Variants in ADAP1 observed in about 807,000 individuals in gnomAD.
The protein encoded by ADAP1 is arf-GAP with dual PH domain-containing protein 1.
A neutral mutation model predicts 54.9 loss-of-function variants in ADAP1; 31 were observed. The observed-to-expected ratio is 0.56, with a 90% confidence interval of 0.42 to 0.76. The LOEUF is 0.76. ADAP1 is among the 30% of genes least tolerant of loss of function. The pLI is 0.00. For missense variants in ADAP1, 535 were observed against 512.4 expected, an observed-to-expected ratio of 1.04 and a Z score of -0.42; for synonymous variants, 313 against 202.6, an observed-to-expected ratio of 1.55 and a Z score of -4.63.
At chr7:948,985 A>G (rs1239858874) in intron 1 of ADAP1, among the ~76,000 whole-genome samples, 5 of 152,096 alleles carry the variant, frequency 3.3e-5, no homozygotes, top group African/African-American at 4.8e-5. Context: ...GTGAGCCACC[A>G]TGCCCGGCCC....
At chr7:904,005 A>G in intron 6 of ADAP1, 121 bp downstream of exon 6, 2 of 1,349,660 alleles carry the variant, frequency 1.5e-6, no homozygotes, top group Non-Finnish European at 9.9e-7. Flanking sequence ...CCGCCTTCTC[A>G]TGCCGCCTAG....
At chr7:952,643 C>T (rs1847299285) in intron 1 of ADAP1, among the ~76,000 whole-genome samples, 2 of 152,278 alleles carry the variant, frequency 1.3e-5, no homozygotes, top group South Asian at 4.1e-4. Flanking sequence ...GGGTGTGGCT[C>T]ATGTCCCCTA....
rs758258240 is a variant in ADAP1, at chr7:946,161, G to A, written c.82+8235C>T. Reference sequence around the variant, plus strand: ...CCAGGCACACAGCGCCCCACTCCACGCCGGGACCCAGGCCCCTCTCCAACT... The same window carrying A: ...CCAGGCACACAGCGCCCCACTCCACACCGGGACCCAGGCCCCTCTCCAACT... On this transcript the variant is annotated intron_variant, in intron 1 of 10. Transcript: ENST00000265846. This position sits in a 1 kb window ranked among gnomAD's most constrained non-coding sequence, Gnocchi z 4.3. Among the ~76,000 whole-genome samples the A allele has an allele frequency of 5.9e-5, 9 of 152,152 alleles. No individual in the cohort carries two copies. The highest frequency in any genetic ancestry group is 3.9e-4 in the Admixed American group (6 of 15,282).
rs546056143 is a variant in ADAP1 at position 937,048 on chromosome 7, C to T, written c.83-1543G>A. ...GGTGCGTGAGAACCAGCAGGCTGAACCTCGGATTTGGGGGTCATGCCCGGC... is the reference window on the plus strand; with the variant it reads ...GGTGCGTGAGAACCAGCAGGCTGAATCTCGGATTTGGGGGTCATGCCCGGC... On this transcript the variant is annotated intron_variant, in intron 1 of 10. Transcript: ENST00000265846. 2.3e-3 allele frequency among the ~76,000 whole-genome samples: 351 copies of T among 151,258 alleles called. 7 individuals carry two copies. Among genetic ancestry groups the T allele is most frequent in the Middle Eastern group, 0.01 (3 of 292 alleles).
At chr7:908,360 T>TGGGGAGGGGACAGCTGGTGCCCTC (rs1451166867) in intron 4 of ADAP1, among the ~76,000 whole-genome samples, 21 of 152,200 alleles carry the variant, frequency 1.4e-4, no homozygotes, top group African/African-American at 4.3e-4. Context: ...CGCCTGGCGT[T>TGGGGAGGGGACAGCTGGTGCCCTC]GGGGAGGGGA....
intron 6 of ADAP1, among the ~76,000 whole-genome samples, chr7:903,581 C>T (rs749780219): frequency 3.1e-4 from 47 of 152,158 alleles, no homozygotes; most frequent in Non-Finnish European, 6.0e-4. Context: ...TGCAGCCTGG[C>T]CCAAAGACAA....
intron 6 of ADAP1, among the ~76,000 whole-genome samples, chr7:902,469 AAAG>A (rs1844867176): frequency 6.7e-6 from 1 of 148,670 alleles, no homozygotes; most frequent in African/African-American, 2.5e-5. Context: ...AAAAAAAAAA[AAAG>A]AAAGAAAAGA....
At chr7:929,637 C>CGGTGGTGATGGGAGGGGT (rs1410159126) in intron 2 of ADAP1, among the ~76,000 whole-genome samples, 119 of 151,170 alleles carry the variant, frequency 7.9e-4, no homozygotes, top group Admixed American at 4.4e-3. Context: ...ACGGCTGGGG[C>CGGTGGTGATGGGAGGGGT]GGTGGTGATG....
At chr7:931,870 C>A (rs1259988401) in intron 2 of ADAP1, among the ~76,000 whole-genome samples, 1 of 152,136 alleles carries the variant, frequency 6.6e-6, no homozygotes, top group Non-Finnish European at 1.5e-5. Flanking sequence ...CAGCAACGGC[C>A]ACCTCAGGCC....
At chr7:942,331 A>C (rs377425706) in intron 1 of ADAP1, among the ~76,000 whole-genome samples, 2 of 116,286 alleles carry the variant, frequency 1.7e-5, no homozygotes, top group East Asian at 6.5e-4. Context: ...AGGAAGGGAG[A>C]GAGGAGGAGG....
chr7:922,848 C>T (rs1232055154), intron 3 of ADAP1: 3 of 145,878 alleles, frequency 2.1e-5, no homozygotes, highest in Admixed American at 2.1e-4. Flanking sequence ...CAGCAACACC[C>T]CCACCCCCGC....
chr7:954,420 G>T lies in ADAP1; in HGVS notation c.58C>A (p.Arg20Ser). Residue 20 changes from arginine to serine, a missense_variant, in exon 1 of 11, where the codon CGC becomes AGC. Physicochemically the swap from Arg to Ser is moderately radical, Grantham distance 110. Coordinates refer to ENST00000265846, the MANE Select transcript of ADAP1 (RefSeq NM_006869.4). ...CCCGGGGCGCCGCAGTCCGCGCAGC[G>T]CGCGTTCCCCGGCCGCTGCAGCAGC... ...LELLQRPGNARCADCGAPDPD... is the reference protein window; with the variant it reads ...LELLQRPGNASCADCGAPDPD... 8.8e-7 allele frequency: 1 copy of T among 1,131,012 alleles called. No homozygotes were observed. The highest frequency in any genetic ancestry group is 1.1e-6 in the Non-Finnish European group (1 of 911,912). 70.1% of individuals were successfully genotyped at this position (1,131,012 alleles called of 1,614,324 possible). A position where few individuals can be genotyped will look rare whatever the true frequency, so the allele number is the denominator to read the frequency against.
At position 954,419 on chromosome 7, in the gene ADAP1, C is replaced by A. The variant is rs1295557027; in HGVS notation, c.59G>T (p.Arg20Leu). ...LELLQRPGNA[R>L]CADCGAPDPD... is the part of the protein sequence containing the mutation. ...ACCCGGGGCGCCGCAGTCCGCGCAG[C>A]GCGCGTTCCCCGGCCGCTGCAGCAG... Residue 20 changes from arginine to leucine, a missense_variant, in exon 1 of 11, where the codon CGC (arginine) becomes CTC (leucine). Arg to Leu is a moderately radical substitution (Grantham distance 102). Transcript: ENST00000265846. 1 of 1,139,602 alleles carries A rather than the reference C, an allele frequency of 8.8e-7. No homozygotes were observed. The highest frequency in any genetic ancestry group is 1.1e-6 in the Non-Finnish European group (1 of 917,178). 70.6% of individuals were successfully genotyped at this position (1,139,602 alleles called of 1,614,324 possible). A position where few individuals can be genotyped will look rare whatever the true frequency, so the allele number is the denominator to read the frequency against.
rs1254533863 is a variant in ADAP1, at chr7:920,432, C to T, written c.306-382G>A. Among the ~76,000 whole-genome samples, 1 of 151,546 alleles carries T rather than the reference C, an allele frequency of 6.6e-6. No homozygotes were observed. Among genetic ancestry groups the T allele is most frequent in the Non-Finnish European group, 1.5e-5 (1 of 67,792 alleles). On this transcript the variant is annotated intron_variant, in intron 3 of 10. Transcript: ENST00000265846. This position sits in a 1 kb window ranked among gnomAD's most constrained non-coding sequence, Gnocchi z 4.5. ...CACCCCGAGTCACACGCCCCTGGGC[C>T]CTCCCCGACCCTCCCCACCTCGTTG...
rs1846381169 is a variant in ADAP1, at chr7:926,203, G to A, written c.305+350C>T. On this transcript the variant is annotated intron_variant, in intron 3 of 10. Transcript: ENST00000265846. This position sits in a 1 kb window ranked among gnomAD's most constrained non-coding sequence, Gnocchi z 4.6. The stretch of plus-strand genomic sequence containing the variant: ...GCCCTGAGGAGCCAGGGCAGGCCCC[G>A]AAACAACAGCCGCCCCTCCCGTTCC... Among the ~76,000 whole-genome samples the A allele has an allele frequency of 1.3e-5, 2 of 151,696 alleles. No individual in the cohort carries two copies. The highest frequency in any genetic ancestry group is 2.9e-5 in the Non-Finnish European group (2 of 67,884).
chr7:949,580 T>C (rs567490034), intron 1 of ADAP1, among the ~76,000 whole-genome samples: 182 of 152,360 alleles, frequency 1.2e-3, no homozygotes, highest in Middle Eastern at 3.4e-3. Flanking sequence ...GGAAGCTGGC[T>C]GCGGTCACGG....
intron 3 of ADAP1, among the ~76,000 whole-genome samples, chr7:925,385 G>C (rs1229978850): frequency 7.7e-6 from 1 of 130,180 alleles, no homozygotes; most frequent in African/African-American, 2.9e-5. Flanking sequence ...AAAAAAAAAG[G>C]CCCAGGATGG....
intron 1 of ADAP1, among the ~76,000 whole-genome samples, chr7:953,282 T>C (rs1387946223): frequency 6.6e-6 from 1 of 152,206 alleles, no homozygotes; most frequent in Non-Finnish European, 1.5e-5. Context: ...CAGAAAAGCC[T>C]GTCGCTATCT....
intron 1 of ADAP1, among the ~76,000 whole-genome samples, chr7:953,995 A>G (rs1847328101): frequency 6.6e-6 from 1 of 152,142 alleles, no homozygotes; most frequent in African/African-American, 2.4e-5. Flanking sequence ...CGGACCCCAC[A>G]GCCCAGCAGA....
Sources: allele counts gnomAD v4.1 joint callset (sites outside exome capture counted in the v4.1 genomes callset), GRCh38; gene constraint gnomAD v4.1.1; non-coding constraint Gnocchi (gnomAD v3.1); transcripts MANE v1.5; gene names NCBI Gene and HGNC (gene_info 2026-07-23, HGNC 2026-07-21).